SPTA1: variants seen among roughly 807,000 people sequenced by gnomAD.
The protein encoded by SPTA1 is spectrin alpha chain, erythrocytic 1.
SPTA1 carries 177 observed loss-of-function variants against 324.7 expected under a neutral mutation model. The ratio of observed to expected loss-of-function variants is 0.55; its 90% confidence interval spans 0.48 to 0.62. The LOEUF (loss-of-function observed/expected upper bound fraction) is 0.62. SPTA1 is among the 20% of genes least tolerant of loss of function. The pLI, the probability that SPTA1 is intolerant of heterozygous loss-of-function variation, is 0.00. For synonymous variants in SPTA1, 1,195 were observed against 1,041.3 expected (o/e 1.15, Z -2.84); for missense variants, 3,162 against 2,883.6 (o/e 1.10, Z -2.21).
At chr1:158,686,086 C>A (rs1325360985) in intron 1 of SPTA1, among the ~76,000 whole-genome samples, 5 of 152,186 alleles carry the variant, frequency 3.3e-5, no homozygotes, top group East Asian at 1.9e-4. Context: ...GATATGGATA[C>A]CATTTTCCCT....
At chr1:158,644,541 G>C in intron 29 of SPTA1, 145 bp from the exon 30 acceptor site, 1 of 942,518 alleles carries the variant, frequency 1.1e-6, no homozygotes, top group Non-Finnish European at 1.7e-6. Flanking sequence ...ACAAATCTTA[G>C]CTGTACTGGA....
At chr1:158,657,760 T>C (rs1652932668) in intron 18 of SPTA1, 66 bp from the exon 19 acceptor site, 2 of 1,507,374 alleles carry the variant, frequency 1.3e-6, no homozygotes, top group Admixed American at 3.4e-5. Flanking sequence ...CTAATCCTTT[T>C]GGTACCTTGG....
Position 158,620,155 on chromosome 1 carries a change from C to T in SPTA1, c.6417+15G>A, listed in dbSNP as rs766463258. On this transcript the variant is annotated intron_variant, in intron 44 of 51. Coordinates refer to ENST00000643759, the MANE Select transcript of SPTA1 (RefSeq NM_003126.4). ...CACTGTAGTGAAAGGAAGTTTCTGC[C>T]GTGTTCCAGGTTACCTCAATGATGT... 2.4e-5 allele frequency: 39 copies of T among 1,613,826 alleles called. No homozygotes were observed. Among genetic ancestry groups the T allele is most frequent in the East Asian group, 4.5e-5 (2 of 44,888 alleles).
At chr1:158,663,449 AT>A (rs1352391201) in intron 16 of SPTA1, among the ~76,000 whole-genome samples, 1 of 152,226 alleles carries the variant, frequency 6.6e-6, no homozygotes, top group Admixed American at 6.5e-5. Context: ...AGAAAGATAA[AT>A]TTAACGGAGT....
intron 45 of SPTA1, among the ~76,000 whole-genome samples, chr1:158,618,501 C>T (rs377542942): frequency 8.5e-4 from 130 of 152,316 alleles, no homozygotes; most frequent in African/African-American, 3.0e-3. Context: ...CAAAACACCA[C>T]AGTTTTGACA....
intron 10 of SPTA1, among the ~76,000 whole-genome samples, chr1:158,673,222 A>G (rs963402620): frequency 1.1e-4 from 1 of 9,220 alleles, no homozygotes; most frequent in African/African-American, 1.3e-4. Flanking sequence ...CCTTGTTAAA[A>G]TAAAAAAAAA....
intron 25 of SPTA1, among the ~76,000 whole-genome samples, chr1:158,649,539 G>A (rs562818640): frequency 6.6e-6 from 1 of 152,044 alleles, no homozygotes; most frequent in Non-Finnish European, 1.5e-5. Flanking sequence ...CTCCTGCCTC[G>A]GCCACCCAAA....
chr1:158,623,908 G>T, intron 42 of SPTA1, among the ~76,000 whole-genome samples: 1 of 152,184 alleles, frequency 6.6e-6, no homozygotes, highest in East Asian at 1.9e-4. Flanking sequence ...TCCCTGATTT[G>T]TGTAGCCTAG....
intron 51 of SPTA1, 126 bp from the exon 52 acceptor site, chr1:158,611,515 T>A: frequency 9.9e-7 from 1 of 1,010,560 alleles, no homozygotes; most frequent in Non-Finnish European, 1.5e-6. Context: ...GCCCTATTTC[T>A]ATTACACACA....
intron 33 of SPTA1, 64 bp from the exon 34 acceptor site, chr1:158,640,071 GA>G: frequency 6.2e-7 from 1 of 1,611,554 alleles, no homozygotes; most frequent in East Asian, 2.2e-5. Context: ...GACTACTTGA[GA>G]GAATAATGTA....
chr1:158,617,044 T>TA (rs66621886), intron 47 of SPTA1, among the ~76,000 whole-genome samples: 6 of 150,914 alleles, frequency 4.0e-5, no homozygotes, highest in Admixed American at 1.3e-4. Context: ...AGAATAATAG[T>TA]AAAAAAAAAA....
At position 158,649,890 on chromosome 1, in the gene SPTA1, G is replaced by A. The variant is rs529485096; in HGVS notation, c.3535C>T (p.Leu1179=). 1 of 1,613,824 alleles carries A rather than the reference G, an allele frequency of 6.2e-7. No homozygotes were observed. Among genetic ancestry groups the A allele is most frequent in the South Asian group, 1.1e-5 (1 of 91,050 alleles). ...QRLADEQRQL[L]GSAHAVEVFH... is the part of the protein sequence containing the mutation. Reference sequence around the variant, plus strand: ...ACTTCAACAGCATGGGCACTGCCCAGCAGCTGCCGCTGTTCATCTGCAAGC... The same window carrying A: ...ACTTCAACAGCATGGGCACTGCCCAACAGCTGCCGCTGTTCATCTGCAAGC... The change falls in exon 25 of 52, where the codon CTG becomes TTG. Residue 1179 remains leucine, a synonymous_variant. Transcript: ENST00000643759.
chr1:158,628,185 C>T (rs372219865), intron 39 of SPTA1, among the ~76,000 whole-genome samples: 94 of 152,274 alleles, frequency 6.2e-4, no homozygotes, highest in Middle Eastern at 6.8e-3. Flanking sequence ...TCTCTGACTG[C>T]TTTCTGGAAA....
At chr1:158,623,495 G>A (rs1650057319) in intron 42 of SPTA1, among the ~76,000 whole-genome samples, 1 of 152,114 alleles carries the variant, frequency 6.6e-6, no homozygotes, top group Admixed American at 6.5e-5. Flanking sequence ...GTCATGGGAG[G>A]GAGCCAGTGG....
At chr1:158,653,214 T>C in intron 22 of SPTA1, 60 bp downstream of exon 22, 1 of 1,612,508 alleles carries the variant, frequency 6.2e-7, no homozygotes, top group Non-Finnish European at 8.5e-7. Context: ...TGAGAAGAAA[T>C]GCCTTTGGCG....
At chr1:158,647,473 G>A in intron 27 of SPTA1, 66 bp downstream of exon 27, 1 of 1,594,676 alleles carries the variant, frequency 6.3e-7, no homozygotes, top group South Asian at 1.1e-5. Flanking sequence ...AACAGCATCT[G>A]TACCCAGACT....
rs1373812282 is a variant in SPTA1, at chr1:158,612,900, T to C, written c.7051A>G (p.Ile2351Val). 34 of 1,613,994 alleles carry C rather than the reference T, an allele frequency of 2.1e-5. No homozygotes were observed. The highest frequency in any genetic ancestry group is 2.8e-5 in the Non-Finnish European group (33 of 1,179,920). ...AFLIDKESEN[I>V]KSSDEIENAF... ...TTCTCTATTTCATCACTGGACTTGA[T>C]GTTTTCTGACTCCTTGTCAATCAGG... Residue 2351 changes from isoleucine to valine, a missense_variant, in exon 51 of 52, where the codon ATC becomes GTC. Ile to Val is a conservative substitution (Grantham distance 29). Transcript: ENST00000643759.
chr1:158,659,481 A>G (rs186829877), intron 18 of SPTA1, among the ~76,000 whole-genome samples: 1 of 151,936 alleles, frequency 6.6e-6, no homozygotes, highest in African/African-American at 2.4e-5. Context: ...ATGTACAAGC[A>G]TATACTCCAT....
chr1:158,685,000 A>G (rs1275905221), intron 2 of SPTA1, 108 bp downstream of exon 2: 3 of 1,341,160 alleles, frequency 2.2e-6, no homozygotes, highest in African/African-American at 2.9e-5. Context: ...TCTAAACGGA[A>G]TCTAATTGTA....
Sources: allele counts gnomAD v4.1 joint callset (sites outside exome capture counted in the v4.1 genomes callset), GRCh38; gene constraint gnomAD v4.1.1; transcripts MANE v1.5; gene names NCBI Gene and HGNC (gene_info 2026-07-23, HGNC 2026-07-21).